MDGA2: variants seen among roughly 807,000 people sequenced by gnomAD.
The protein encoded by MDGA2 is MAM domain containing glycosylphosphatidylinositol anchor 2.
A neutral mutation model predicts 117.8 loss-of-function variants in MDGA2; 40 were observed. The observed-to-expected ratio is 0.34, with a 90% confidence interval of 0.26 to 0.44. The LOEUF (loss-of-function observed/expected upper bound fraction) is 0.44. Ranked by LOEUF, MDGA2 falls within the 20% of genes least tolerant of loss-of-function variation. The probability of loss-of-function intolerance (pLI) is 1.00; values close to 1 mark genes in which losing one functional copy is unlikely to be tolerated. For missense variants in MDGA2, 1,123 were observed against 1,250.6 expected (o/e 0.90, Z 1.54); for synonymous variants, 452 against 439.0 (o/e 1.03, Z -0.37).
At chr14:47,300,652 G>GA (rs1334954864) in intron 2 of MDGA2, among the ~76,000 whole-genome samples, 4 of 150,626 alleles carry the variant, frequency 2.7e-5, no homozygotes, top group African/African-American at 9.7e-5. Flanking sequence ...ACCAGGCCCA[G>GA]ATAATTTTTT....
chr14:47,169,984 A>G (rs1884052632), intron 3 of MDGA2, among the ~76,000 whole-genome samples: 1 of 152,124 alleles, frequency 6.6e-6, no homozygotes, highest in South Asian at 2.1e-4. Flanking sequence ...GGCCAAGACA[A>G]TACGATGAAT....
intron 6 of MDGA2, among the ~76,000 whole-genome samples, chr14:47,082,102 T>C (rs1288839565): frequency 6.6e-6 from 1 of 152,110 alleles, no homozygotes; most frequent in African/African-American, 2.4e-5. Context: ...TGTTCTATCA[T>C]CATTGTTCTT....
At chr14:46,849,347 C>T (rs961620069) in intron 15 of MDGA2, among the ~76,000 whole-genome samples, 1 of 151,786 alleles carries the variant, frequency 6.6e-6, no homozygotes, top group Non-Finnish European at 1.5e-5. Context: ...TATTTTTTAA[C>T]AGGTTGAATT....
At chr14:47,406,857 C>A (rs1433269440) in intron 1 of MDGA2, among the ~76,000 whole-genome samples, 1 of 152,054 alleles carries the variant, frequency 6.6e-6, no homozygotes, top group Non-Finnish European at 1.5e-5. Flanking sequence ...CAACCTCACT[C>A]TCTAGGGACT....
Position 47,000,375 on chromosome 14 carries a change from ATT to A in MDGA2, c.1819+34634_1819+34635del, listed in dbSNP as rs1555342213. On this transcript the variant is annotated intron_variant, in intron 8 of 16. Transcript: ENST00000399232. ...CACACACATATATATGTATATATAT[ATT>A]TATATATATATATTTATATATAAAT... Among the ~76,000 whole-genome samples the A allele has an allele frequency of 1.3e-4, 11 of 86,992 alleles. No homozygotes were observed. In the South Asian group the frequency reaches 1.8e-3, roughly 14 times the overall value. 57.1% of individuals were successfully genotyped at this position (86,992 alleles called of 152,430 possible).
At chr14:47,509,373 C>T (rs1053808853) in intron 1 of MDGA2, among the ~76,000 whole-genome samples, 4 of 152,120 alleles carry the variant, frequency 2.6e-5, no homozygotes, top group African/African-American at 7.2e-5. Flanking sequence ...GAAAGTGGAT[C>T]GGATCATTGA....
intron 1 of MDGA2, among the ~76,000 whole-genome samples, chr14:47,400,283 C>T (rs1444613771): frequency 6.6e-6 from 1 of 152,122 alleles, no homozygotes; most frequent in East Asian, 1.9e-4. Context: ...CTCTCTCAAA[C>T]TCACAAAACT....
At chr14:47,573,995 T>C (rs1160890439) in intron 1 of MDGA2, among the ~76,000 whole-genome samples, 3 of 152,182 alleles carry the variant, frequency 2.0e-5, no homozygotes, top group South Asian at 2.1e-4. Flanking sequence ...TTTGTCTTTA[T>C]TCGCTATTCT....
chr14:46,874,333 G>A (rs3007095), intron 12 of MDGA2, 133 bp from the exon 13 acceptor site: 391,904 of 392,168 alleles, frequency 1, 195,820 homozygotes, highest in Middle Eastern at 1. Flanking sequence ...GAGCCATAAT[G>A]GTGCAGAAGA....
At chr14:46,900,264 T>C (rs34233806) in intron 10 of MDGA2, among the ~76,000 whole-genome samples, 27,689 of 152,092 alleles carry the variant, frequency 0.18, 3,259 homozygotes, top group Non-Finnish European at 0.26. Flanking sequence ...CTAGTGGGAA[T>C]GAAAAGAATA....
intron 3 of MDGA2, among the ~76,000 whole-genome samples, chr14:47,177,953 T>C (rs1368188955): frequency 6.6e-6 from 1 of 152,100 alleles, no homozygotes; most frequent in African/African-American, 2.4e-5. Flanking sequence ...GCTTAGAGGA[T>C]TAACTGCAAA....
intron 6 of MDGA2, among the ~76,000 whole-genome samples, chr14:47,089,507 T>C (rs919354131): frequency 2.6e-5 from 4 of 151,924 alleles, no homozygotes; most frequent in Admixed American, 6.6e-5. Context: ...CCCTGAGTAG[T>C]TGGGATTATA....
At chr14:47,667,019 C>T (rs1028537705) in intron 1 of MDGA2, among the ~76,000 whole-genome samples, 5 of 152,180 alleles carry the variant, frequency 3.3e-5, no homozygotes, top group Admixed American at 6.5e-5. Flanking sequence ...GAACAAACTC[C>T]GGACACACTG....
intron 2 of MDGA2, among the ~76,000 whole-genome samples, chr14:47,230,296 A>AAAATGGG (rs1886645320): frequency 6.6e-6 from 1 of 151,978 alleles, no homozygotes; most frequent in African/African-American, 2.4e-5. Context: ...CAATTATAGA[A>AAAATGGG]AAATGGGATG....
chr14:47,311,656 T>C (rs1889638807), intron 1 of MDGA2, among the ~76,000 whole-genome samples: 2 of 152,246 alleles, frequency 1.3e-5, no homozygotes, highest in East Asian at 1.9e-4. Flanking sequence ...ACTGTAAACT[T>C]AGTAAATATC....
intron 9 of MDGA2, among the ~76,000 whole-genome samples, chr14:46,927,975 C>T (rs371877554): frequency 1.1e-3 from 168 of 152,242 alleles, no homozygotes; most frequent in African/African-American, 3.9e-3. Flanking sequence ...ACTATTGATA[C>T]ATTGTCAGTC....
At chr14:47,110,609 A>G (rs1880987013) in intron 5 of MDGA2, among the ~76,000 whole-genome samples, 4 of 152,132 alleles carry the variant, frequency 2.6e-5, no homozygotes, top group South Asian at 2.1e-4. Context: ...CTGTAACTTT[A>G]TTTTATAGAA....
chr14:47,092,906 G>GCCCATCAC (rs1879745446), intron 6 of MDGA2, among the ~76,000 whole-genome samples: 1 of 152,024 alleles, frequency 6.6e-6, no homozygotes, highest in Non-Finnish European at 1.5e-5. Flanking sequence ...TCAGGGAAAC[G>GCCCATCAC]CCCATCACTG....
At chr14:47,158,997 T>C (rs956650411) in intron 3 of MDGA2, among the ~76,000 whole-genome samples, 1 of 151,980 alleles carries the variant, frequency 6.6e-6, no homozygotes, top group East Asian at 1.9e-4. Context: ...AGGCAAGCAA[T>C]GGAGACAGTA....
Sources: gnomAD v4.1 joint callset for allele counts (sites outside exome capture counted in the v4.1 genomes callset) on GRCh38, gnomAD v4.1.1 for gene constraint, MANE v1.5 for transcripts, NCBI Gene and HGNC (gene_info 2026-07-23, HGNC 2026-07-21) for gene names.